The following SBF2 variants were observed in gnomAD, a reference collection of about 807,000 sequenced individuals.
SBF2 encodes myotubularin-related protein 13.
Under a neutral mutation model 225.2 loss-of-function variants are expected in SBF2, and 112 were observed. The ratio of observed to expected loss-of-function variants is 0.50; its 90% CI spans 0.43 to 0.58. The LOEUF (loss-of-function observed/expected upper bound fraction) is 0.58, where lower values mean the gene tolerates loss of function less well. Ranked by LOEUF, SBF2 falls within the 20% of genes least tolerant of loss-of-function variation. The pLI is 0.00. For synonymous variants in SBF2, 763 were observed against 773.3 expected (o/e 0.99, Z 0.22); for missense variants, 1,996 against 2,206.2 (o/e 0.90, Z 1.91).
chr11:9,787,751 T>TA lies in SBF2; in HGVS notation c.4933-14dup. 6.2e-7 allele frequency: 1 copy of TA among 1,610,188 alleles called. No homozygotes were observed. Among genetic ancestry groups the TA allele is most frequent in the Non-Finnish European group, 8.5e-7 (1 of 1,176,486 alleles). On this transcript the variant is annotated splice_polypyrimidine_tract_variant and intron_variant, in intron 35 of 39. Coordinates refer to ENST00000256190, the MANE Select transcript of SBF2 (RefSeq NM_030962.4). ...ATTTTTCAATTTCCTGCAAAGAAAT[T>TA]AAAAGTTTTCTGATCAGTATTTCAT...
intron 2 of SBF2, among the ~76,000 whole-genome samples, chr11:10,193,154 T>C (rs1384558514): frequency 6.6e-6 from 1 of 152,168 alleles, no homozygotes; most frequent in East Asian, 1.9e-4. Flanking sequence ...AAGCCATGAC[T>C]GGTCAACATT....
At chr11:10,267,542 G>A (rs780614615) in intron 1 of SBF2, among the ~76,000 whole-genome samples, 9 of 152,142 alleles carry the variant, frequency 5.9e-5, no homozygotes, top group African/African-American at 2.2e-4. Context: ...AATGGCCAAG[G>A]GGAAGAGGTT....
intron 2 of SBF2, among the ~76,000 whole-genome samples, chr11:10,087,667 G>A (rs947523414): frequency 6.6e-5 from 10 of 152,096 alleles, no homozygotes; most frequent in African/African-American, 2.2e-4. Flanking sequence ...GCTTATGAGG[G>A]CTAAAACTAA....
chr11:9,866,517 A>G (rs1424622939), intron 17 of SBF2, among the ~76,000 whole-genome samples: 1 of 152,236 alleles, frequency 6.6e-6, no homozygotes, highest in African/African-American at 2.4e-5. Flanking sequence ...GGAAAACTGG[A>G]TATCCATATG....
intron 1 of SBF2, among the ~76,000 whole-genome samples, chr11:10,239,106 C>T (rs900636359): frequency 4.7e-5 from 7 of 150,360 alleles, no homozygotes; most frequent in Admixed American, 2.7e-4. Flanking sequence ...TTAACATAAA[C>T]GTGTGTATAT....
At chr11:9,833,927 C>T (rs183132890) in intron 26 of SBF2, among the ~76,000 whole-genome samples, 6 of 151,354 alleles carry the variant, frequency 4.0e-5, no homozygotes, top group East Asian at 1.9e-4. Flanking sequence ...TGTGCCACCA[C>T]GCCTGGCTAA....
At position 9,790,651 on chromosome 11, in the gene SBF2, C is replaced by T. The variant is rs546392558; in HGVS notation, c.4603G>A (p.Ala1535Thr). 1 of 1,583,592 alleles carries T rather than the reference C, an allele frequency of 6.3e-7. No individual in the cohort carries two copies. The highest frequency in any genetic ancestry group is 2.2e-5 in the East Asian group (1 of 44,668). The change falls in exon 34 of 40, where the codon GCC becomes ACC. Residue 1535 changes from alanine to threonine, a missense_variant. Transcript: ENST00000256190. ...TLFDDKGEKHAKKGVCIWECI... is the reference protein window; with the variant it reads ...TLFDDKGEKHTKKGVCIWECI... ...TCCCAAATACAGACTCCTTTTTTGG[C>T]ATGCTTTTCTCCTTTATCATCAAAT...
intron 16 of SBF2, among the ~76,000 whole-genome samples, chr11:9,898,168 T>C (rs1017224716): frequency 1.3e-5 from 2 of 152,064 alleles, no homozygotes; most frequent in Admixed American, 1.3e-4. Context: ...GGGGAGGGCG[T>C]AGTACTGCCC....
At chr11:9,930,571 T>C (rs577393102) in intron 16 of SBF2, among the ~76,000 whole-genome samples, 23 of 152,318 alleles carry the variant, frequency 1.5e-4, no homozygotes, top group South Asian at 1.0e-3. Context: ...ATTTTGATTG[T>C]TGTGATAGTT....
At chr11:10,225,673 C>G (rs1457060440) in intron 1 of SBF2, among the ~76,000 whole-genome samples, 1 of 152,108 alleles carries the variant, frequency 6.6e-6, no homozygotes. Flanking sequence ...CAAAAGCATT[C>G]ATCCATTCTG....
intron 2 of SBF2, among the ~76,000 whole-genome samples, chr11:10,089,480 T>C (rs1408041259): frequency 4.6e-5 from 7 of 152,210 alleles, no homozygotes; most frequent in Admixed American, 4.6e-4. Flanking sequence ...ATCAAAATAG[T>C]ATAAATTGTT....
chr11:10,263,796 T>C (rs1245873051), intron 1 of SBF2, among the ~76,000 whole-genome samples: 1 of 152,162 alleles, frequency 6.6e-6, no homozygotes, highest in Non-Finnish European at 1.5e-5. Flanking sequence ...TAAACACATT[T>C]GAACATCCTT....
chr11:10,029,942 C>G, intron 4 of SBF2, 67 bp from the exon 5 acceptor site: 1 of 1,056,258 alleles, frequency 9.5e-7, no homozygotes, highest in Non-Finnish European at 1.5e-6. Context: ...GTTATGACAT[C>G]TGCTCTAGGA....
chr11:9,800,181 G>A (rs1853402346), intron 32 of SBF2, among the ~76,000 whole-genome samples: 1 of 151,906 alleles, frequency 6.6e-6, no homozygotes, highest in South Asian at 2.1e-4. Flanking sequence ...GGGTTGCAGT[G>A]AGCCAAGATT....
chr11:10,291,071 G>A (rs1964131345), intron 1 of SBF2, among the ~76,000 whole-genome samples: 2 of 152,188 alleles, frequency 1.3e-5, no homozygotes, highest in Admixed American at 6.5e-5. Flanking sequence ...TAAGAACACA[G>A]AAGCCAGCTT....
intron 2 of SBF2, among the ~76,000 whole-genome samples, chr11:10,172,212 G>C (rs1011862572): frequency 1.3e-5 from 2 of 151,808 alleles, no homozygotes; most frequent in Admixed American, 6.6e-5. Flanking sequence ...AGTTCTTTAA[G>C]ATGCATCATT....
intron 1 of SBF2, among the ~76,000 whole-genome samples, chr11:10,231,340 G>A (rs182532046): frequency 7.4e-4 from 112 of 152,262 alleles, no homozygotes; most frequent in African/African-American, 2.2e-3. Context: ...GCTGTGTTCC[G>A]TTGCTGGTGA....
intron 16 of SBF2, among the ~76,000 whole-genome samples, chr11:9,897,317 A>G (rs1002353728): frequency 6.6e-6 from 1 of 151,974 alleles, no homozygotes; most frequent in Non-Finnish European, 1.5e-5. Context: ...AGCTCACGGT[A>G]ACCTCAGTCT....
chr11:10,134,314 A>G (rs1565269692), intron 2 of SBF2, among the ~76,000 whole-genome samples: 1 of 152,092 alleles, frequency 6.6e-6, no homozygotes, highest in Non-Finnish European at 1.5e-5. Context: ...GGGAGCTACA[A>G]TTCAAGATAA....
Sources: gnomAD v4.1 joint callset for allele counts (sites outside exome capture counted in the v4.1 genomes callset) on GRCh38, gnomAD v4.1.1 for gene constraint, MANE v1.5 for transcripts, NCBI Gene and HGNC (gene_info 2026-07-23, HGNC 2026-07-21) for gene names.